PCDHGA8: variants seen among roughly 807,000 people sequenced by gnomAD.
The protein encoded by PCDHGA8 is protocadherin gamma subfamily A, 8.
PCDHGA8 carries 45 observed loss-of-function variants against 59.2 expected under a neutral mutation model. The ratio of observed to expected loss-of-function variants is 0.76; its 90% CI spans 0.60 to 0.98. PCDHGA8 has a LOEUF of 0.98. Ranked by LOEUF, PCDHGA8 falls within the 50% of genes least tolerant of loss-of-function variation. The pLI is 0.00. For missense variants in PCDHGA8, 1,257 were observed against 1,196.2 expected (o/e 1.05, Z -0.75); for synonymous variants, 531 against 519.0 (o/e 1.02, Z -0.32).
rs1245735294 is a variant in PCDHGA8, at chr5:141,397,953, C to T, written c.2424+2716C>T. 6.2e-6 allele frequency: 6 copies of T among 961,992 alleles called. No homozygotes were observed. In the Admixed American group the frequency reaches 1.2e-4, roughly 19 times the overall value. The allele number at this position is 961,992 out of a possible 1,614,324, so 59.6% of individuals were successfully genotyped here. ...CCGCAGCGCGCTTTCCAGGGCAGCC[C>T]CAGCTCAGACTCCCCAGCGCCGGCC... On this transcript the variant is annotated intron_variant, in intron 1 of 3. Transcript: ENST00000398604.
intron 1 of PCDHGA8, chr5:141,414,594 C>T: frequency 1.2e-6 from 2 of 1,613,952 alleles, no homozygotes; most frequent in Non-Finnish European, 1.7e-6. Flanking sequence ...CCAGGGGTGC[C>T]TCCATCTTCT....
At chr5:141,404,532 A>G in intron 1 of PCDHGA8, 1 of 1,613,918 alleles carries the variant, frequency 6.2e-7, no homozygotes, top group Non-Finnish European at 8.5e-7. Context: ...CAGTTTAGAG[A>G]TTTGCAAATG....
In PCDHGA8 at chr5:141,404,391, A is replaced by T. The variant is rs773558298; in HGVS notation, c.2424+9154A>T. On this transcript the variant is annotated intron_variant, in intron 1 of 3. Transcript: ENST00000398604. ...TTCTCCGTGATTGCCTATGACCCTG[A>T]TAGCAATGAGAATTCTAGAGTTATT... 3.7e-6 allele frequency: 6 copies of T among 1,613,806 alleles called. No homozygotes were observed. Among genetic ancestry groups the T allele is most frequent in the Non-Finnish European group, 5.1e-6 (6 of 1,179,894 alleles).
At chr5:141,399,464 C>G in intron 1 of PCDHGA8, 1 of 1,614,018 alleles carries the variant, frequency 6.2e-7, no homozygotes, top group Non-Finnish European at 8.5e-7. Flanking sequence ...GATAACGCTC[C>G]GGTTTTCCAC....
chr5:141,444,900 T>C (rs997464788), intron 1 of PCDHGA8, among the ~76,000 whole-genome samples: 1 of 152,182 alleles, frequency 6.6e-6, no homozygotes, highest in Non-Finnish European at 1.5e-5. Context: ...TGGGATGGCA[T>C]TGCATCTATA....
In PCDHGA8 at chr5:141,486,444, T is replaced by C. The variant is rs769032995; in HGVS notation, c.2425-8363T>C. 2 of 1,614,086 alleles carry C rather than the reference T, an allele frequency of 1.2e-6. No individual in the cohort carries two copies. On this transcript the variant is annotated intron_variant, in intron 1 of 3. Transcript: ENST00000398604. This position sits in a 1 kb window ranked among gnomAD's most constrained non-coding sequence, Gnocchi z 5.0. ...GAGGCCAAATCTAGCTATGACATCA[T>C]GGTCACTGCTTCTGATGCTGGGAAC...
chr5:141,497,775 A>G (rs2099779384), intron 2 of PCDHGA8, among the ~76,000 whole-genome samples: 2 of 152,054 alleles, frequency 1.3e-5, no homozygotes, highest in South Asian at 4.2e-4. Context: ...CCCGACCTCA[A>G]CTGATCCACC....
intron 1 of PCDHGA8, among the ~76,000 whole-genome samples, chr5:141,467,824 G>A (rs1272399938): frequency 2.0e-5 from 3 of 151,798 alleles, no homozygotes; most frequent in Non-Finnish European, 4.4e-5. Flanking sequence ...ACACCAGGCT[G>A]ATTTTTATAT....
chr5:141,491,503 G>C lies in PCDHGA8; in HGVS notation c.2425-3304G>C. On this transcript the variant is annotated intron_variant, in intron 1 of 3. Coordinates refer to ENST00000398604, the MANE Select transcript of PCDHGA8 (RefSeq NM_032088.2). The surrounding 1 kb of genome is among the most constrained non-coding windows in gnomAD (Gnocchi z 6.9). ...CCCCAACCTGCAGGTGAGCTCGGACGGCACGCTCAAGTACATGGAGGTGAC... is the reference window on the plus strand; with the variant it reads ...CCCCAACCTGCAGGTGAGCTCGGACCGCACGCTCAAGTACATGGAGGTGAC... The C allele has an allele frequency of 6.2e-7, 1 of 1,614,030 alleles. No homozygotes were observed.
intron 2 of PCDHGA8, among the ~76,000 whole-genome samples, chr5:141,500,281 T>A (rs1254933339): frequency 2.0e-5 from 3 of 151,934 alleles, no homozygotes; most frequent in Non-Finnish European, 4.4e-5. Context: ...CAATCTCGGC[T>A]CACTGCAAGC....
intron 1 of PCDHGA8, chr5:141,416,540 G>T (rs1439132249): frequency 6.6e-6 from 1 of 151,974 alleles, no homozygotes; most frequent in Non-Finnish European, 1.5e-5. Flanking sequence ...GTATAAGGAG[G>T]CAAACACCTG....
chr5:141,413,984 C>T (rs898207454), intron 1 of PCDHGA8: 2 of 1,613,300 alleles, frequency 1.2e-6, no homozygotes, highest in African/African-American at 2.7e-5. Flanking sequence ...ACAGTCACAG[C>T]CACCGACAGG....
intron 1 of PCDHGA8, among the ~76,000 whole-genome samples, chr5:141,457,863 C>A (rs2098930968): frequency 6.6e-6 from 1 of 152,194 alleles, no homozygotes; most frequent in Non-Finnish European, 1.5e-5. Flanking sequence ...TCTTCACTGA[C>A]CACAGGTTAG....
intron 1 of PCDHGA8, chr5:141,403,610 C>T: frequency 6.2e-7 from 1 of 1,613,860 alleles, no homozygotes; most frequent in Non-Finnish European, 8.5e-7. Context: ...TGGCGGCGAG[C>T]CGCGTCGCTC....
intron 1 of PCDHGA8, among the ~76,000 whole-genome samples, chr5:141,449,103 A>G (rs1033077737): frequency 2.0e-5 from 3 of 152,206 alleles, no homozygotes; most frequent in African/African-American, 7.2e-5. Context: ...CATATGCAGT[A>G]TATCTTTGGG....
At chr5:141,423,332 C>T in intron 1 of PCDHGA8, 1 of 1,614,198 alleles carries the variant, frequency 6.2e-7, no homozygotes, top group South Asian at 1.1e-5. Flanking sequence ...GCCGCAGTCT[C>T]CTGCATCTTC....
chr5:141,419,507 G>A (rs909984738), intron 1 of PCDHGA8: 2 of 1,612,198 alleles, frequency 1.2e-6, no homozygotes, highest in Non-Finnish European at 1.7e-6. Context: ...GAGCCTGCGC[G>A]TGTTGGTGGG....
chr5:141,420,256 T>C (rs377440259), intron 1 of PCDHGA8: 2 of 1,569,010 alleles, frequency 1.3e-6, no homozygotes, highest in Non-Finnish European at 1.7e-6. Flanking sequence ...TTGAAGCAGA[T>C]AAGAAGATTC....
At position 141,485,729 on chromosome 5, in the gene PCDHGA8, A is replaced by G. The variant is rs2099618322; in HGVS notation, c.2425-9078A>G. 6.2e-7 allele frequency: 1 copy of G among 1,614,092 alleles called. No individual in the cohort carries two copies. The highest frequency in any genetic ancestry group is 1.1e-5 in the South Asian group (1 of 91,094). ...CTTTGCACTGGATGTGAAGAAGCGCAGCGACGGCAGCCTGGTCCCAGAGCT... is the reference window on the plus strand; with the variant it reads ...CTTTGCACTGGATGTGAAGAAGCGCGGCGACGGCAGCCTGGTCCCAGAGCT... On this transcript the variant is annotated intron_variant, in intron 1 of 3. Coordinates refer to ENST00000398604, the MANE Select transcript of PCDHGA8 (RefSeq NM_032088.2). This position sits in a 1 kb window ranked among gnomAD's most constrained non-coding sequence, Gnocchi z 5.7.
Sources: gnomAD v4.1 joint callset for allele counts (sites outside exome capture counted in the v4.1 genomes callset) on GRCh38, gnomAD v4.1.1 for gene constraint, Gnocchi (gnomAD v3.1) non-coding constraint, MANE v1.5 for transcripts, NCBI Gene and HGNC (gene_info 2026-07-23, HGNC 2026-07-21) for gene names.